The following SP7 variants were observed in gnomAD, a reference collection of about 807,000 sequenced individuals.
SP7 encodes the protein transcription factor Sp7.
In SP7, 13 loss-of-function variants were observed where a neutral mutation model predicts 27.9. That is an observed-to-expected ratio of 0.47 (90% CI 0.30 to 0.74). The LOEUF is 0.74. Ranked by LOEUF, SP7 falls within the 30% of genes least tolerant of loss-of-function variation. SP7 has a pLI of 0.06. For synonymous variants in SP7, 219 were observed against 226.7 expected (o/e 0.97, Z 0.31); for missense variants, 525 against 558.0 (o/e 0.94, Z 0.60).
At chr12:53,335,903 T>A (rs2136847558) in intron 1 of SP7, 1 of 1,166,254 alleles carries the variant, frequency 8.6e-7, no homozygotes, top group Non-Finnish European at 1.1e-6. Context: ...GGTCCAAATT[T>A]CCTGCTCCAT....
rs573883884 is a variant in SP7 at position 53,327,836 on chromosome 12, T to A, written c.*310A>T. Reference sequence around the variant, plus strand: ...AAGGAGTGAGATGGAGAAATAGTGTTGGGAGCCCAAATAGAAAGTGTGTTG... The same window carrying A: ...AAGGAGTGAGATGGAGAAATAGTGTAGGGAGCCCAAATAGAAAGTGTGTTG... On this transcript the variant is annotated 3_prime_UTR_variant, in exon 3 of 3. Coordinates refer to ENST00000536324, the MANE Select transcript of SP7 (RefSeq NM_001173467.3). 2.6e-6 allele frequency: 1 copy of A among 378,116 alleles called. No homozygotes were observed. The allele number at this position is 378,116 out of a possible 1,614,324, so 23.4% of individuals were successfully genotyped here.
Position 53,328,084 on chromosome 12 carries a change from T to C in SP7, c.*62A>G. The C allele has an allele frequency of 3.4e-6, 5 of 1,449,624 alleles. No individual in the cohort carries two copies. The South Asian group carries it at 6.8e-5, about 20-fold the overall frequency. 89.8% of individuals were successfully genotyped at this position (1,449,624 alleles called of 1,614,324 possible). A position where few individuals can be genotyped will look rare whatever the true frequency, so the allele number is the denominator to read the frequency against. On this transcript the variant is annotated 3_prime_UTR_variant, in exon 3 of 3. Transcript: ENST00000536324. The surrounding 1 kb of genome is among the most constrained non-coding windows in gnomAD (Gnocchi z 5.1). ...GGTAAAGAGAGTGATTGGCAAGCAG[T>C]GGTCTAGAGAGCCAAGAGAGACTGT...
upstream of SP7, among the ~76,000 whole-genome samples, chr12:53,341,002 C>T (rs1300496185): frequency 6.6e-6 from 1 of 152,198 alleles, no homozygotes; most frequent in Non-Finnish European, 1.5e-5. Flanking sequence ...GCTCAGGGTA[C>T]TTGGGGAAGA....
chr12:53,343,391 A>G (rs1944839387), intron 1 of SP7, among the ~76,000 whole-genome samples: 1 of 152,228 alleles, frequency 6.6e-6, no homozygotes, highest in African/African-American at 2.4e-5. Context: ...CTCGTATATT[A>G]GAGAAATGAC....
chr12:53,331,499 G>T (rs1944705487), intron 2 of SP7, among the ~76,000 whole-genome samples: 1 of 146,690 alleles, frequency 6.8e-6, no homozygotes, highest in Admixed American at 6.8e-5. Flanking sequence ...GAAAGGCAAA[G>T]GTATCTTCTT....
intron 1 of SP7, among the ~76,000 whole-genome samples, chr12:53,343,071 G>A (rs1944837205): frequency 6.6e-6 from 1 of 151,484 alleles, no homozygotes; most frequent in Non-Finnish European, 1.5e-5. Flanking sequence ...TGAGGTGGGT[G>A]GATCACTTGA....
At chr12:53,333,939 T>C (rs1944736495) in intron 2 of SP7, among the ~76,000 whole-genome samples, 1 of 152,170 alleles carries the variant, frequency 6.6e-6, no homozygotes, top group African/African-American at 2.4e-5. Flanking sequence ...CGCCATGCAC[T>C]ATCCCAATCC....
chr12:53,331,190 A>G (rs1332843582), intron 2 of SP7, among the ~76,000 whole-genome samples: 1 of 152,060 alleles, frequency 6.6e-6, no homozygotes, highest in Admixed American at 6.6e-5. Flanking sequence ...GGTATCTTCT[A>G]GCCAGGCGCG....
At chr12:53,338,194 G>C (rs536036434), upstream of SP7, among the ~76,000 whole-genome samples, 1 of 151,786 alleles carries the variant, frequency 6.6e-6, no homozygotes, top group Non-Finnish European at 1.5e-5. Context: ...GCACATAATT[G>C]TGTCCGCTGA....
At chr12:53,331,470 CAAA>C (rs367626786) in intron 2 of SP7, among the ~76,000 whole-genome samples, 3 of 105,358 alleles carry the variant, frequency 2.8e-5, no homozygotes, top group African/African-American at 1.1e-4. Context: ...GACTCCATCT[CAAA>C]AAAAAAAAAA....
At position 53,331,061 on chromosome 12, in the gene SP7, G is replaced by A. The variant is rs112948184; in HGVS notation, c.22-1641C>T. Among the ~76,000 whole-genome samples the A allele has an allele frequency of 5.3e-3, 805 of 152,332 alleles. 6 individuals carry two copies. Among genetic ancestry groups the A allele is most frequent in the African/African-American group, 0.019 (777 of 41,574 alleles). On this transcript the variant is annotated intron_variant, in intron 2 of 2. Coordinates refer to ENST00000536324, the MANE Select transcript of SP7 (RefSeq NM_001173467.3). ...CCAAGGCAAGGAATGGGGTAACTAA[G>A]ATACTGGCCCACAGCCACACTGCTT...
At chr12:53,340,750 A>G (rs1180435949), upstream of SP7, among the ~76,000 whole-genome samples, 2 of 152,252 alleles carry the variant, frequency 1.3e-5, no homozygotes, top group Non-Finnish European at 2.9e-5. Flanking sequence ...TAGAGGGGAC[A>G]GGAAAGAAGA....
chr12:53,339,720 C>T (rs1317568413), upstream of SP7, among the ~76,000 whole-genome samples: 1 of 132,202 alleles, frequency 7.6e-6, no homozygotes, highest in Non-Finnish European at 1.6e-5. Flanking sequence ...AACAAAACTC[C>T]ATCTCAAAAA....
chr12:53,326,877 GCTT>G lies in SP7; in HGVS notation c.*1266_*1268del, dbSNP rs1944636135. ...CTAGCTCTTTAAGTTCTTTCTCAGG[GCTT>G]CTAGGCACCAGATCTAGCATAGTGC... On this transcript the variant is annotated 3_prime_UTR_variant, in exon 3 of 3. Coordinates refer to ENST00000536324, the MANE Select transcript of SP7 (RefSeq NM_001173467.3). 1 of 152,272 alleles carries G rather than the reference GCTT, an allele frequency of 6.6e-6. No individual in the cohort carries two copies. Among genetic ancestry groups the G allele is most frequent in the South Asian group, 2.1e-4 (1 of 4,832 alleles). 9.4% of individuals were successfully genotyped at this position (152,272 alleles called of 1,614,324 possible). A position where few individuals can be genotyped will look rare whatever the true frequency, so the allele number is the denominator to read the frequency against.
upstream of SP7, among the ~76,000 whole-genome samples, chr12:53,340,134 C>T (rs1944810117): frequency 6.6e-6 from 1 of 152,104 alleles, no homozygotes; most frequent in African/African-American, 2.4e-5. Flanking sequence ...GACACCCTAA[C>T]CCCCAATCAT....
rs1944651828 is a variant in SP7 at position 53,328,024 on chromosome 12, CAG to C, written c.*120_*121del. ...AAGCCCAGAATGGCCAGGAGGGAGA[CAG>C]AGGGAGAGAGCCCCGAAGGATGGCA... On this transcript the variant is annotated 3_prime_UTR_variant, in exon 3 of 3. Transcript: ENST00000536324. The surrounding 1 kb of genome is among the most constrained non-coding windows in gnomAD (Gnocchi z 5.1). 1.9e-6 allele frequency: 2 copies of C among 1,042,360 alleles called. No individual in the cohort carries two copies. The highest frequency in any genetic ancestry group is 2.1e-4 in the Middle Eastern group (1 of 4,738). The allele number at this position is 1,042,360 out of a possible 1,614,324, so 64.6% of individuals were successfully genotyped here. A position where few individuals can be genotyped will look rare whatever the true frequency, so the allele number is the denominator to read the frequency against.
At chr12:53,332,065 C>T (rs1944711903) in intron 2 of SP7, among the ~76,000 whole-genome samples, 1 of 152,162 alleles carries the variant, frequency 6.6e-6, no homozygotes, top group Non-Finnish European at 1.5e-5. Flanking sequence ...CTCACGGTTC[C>T]CCCAGTCAGG....
At chr12:53,335,054 C>T (rs1944751074) in intron 2 of SP7, among the ~76,000 whole-genome samples, 1 of 152,210 alleles carries the variant, frequency 6.6e-6, no homozygotes, top group African/African-American at 2.4e-5. Context: ...CCCACAGGCA[C>T]AGGCTGGCCT....
At chr12:53,338,390 A>G (rs1212505724), upstream of SP7, among the ~76,000 whole-genome samples, 1 of 152,160 alleles carries the variant, frequency 6.6e-6, no homozygotes, top group Non-Finnish European at 1.5e-5. Flanking sequence ...ACCAGCAGAA[A>G]AGCCCGACCC....
Sources: allele counts gnomAD v4.1 joint callset (sites outside exome capture counted in the v4.1 genomes callset), GRCh38; gene constraint gnomAD v4.1.1; non-coding constraint Gnocchi (gnomAD v3.1); transcripts MANE v1.5; gene names NCBI Gene and HGNC (gene_info 2026-07-23, HGNC 2026-07-21).